MINK1: variants seen among roughly 807,000 people sequenced by gnomAD.
The protein encoded by MINK1 is misshapen like kinase 1.
Under a neutral mutation model 178.4 loss-of-function variants are expected in MINK1, and 46 were observed. That is an observed-to-expected ratio of 0.26 (90% CI 0.20 to 0.33). MINK1 has a LOEUF of 0.33. MINK1 is among the 10% of genes least tolerant of loss of function. MINK1 has a pLI of 1.00. For synonymous variants in MINK1, 797 were observed against 709.7 expected, an observed-to-expected ratio of 1.12 and a Z score of -1.96; for missense variants, 1,366 against 1,814.9, an observed-to-expected ratio of 0.75 and a Z score of 4.49.
At chr17:4,872,860 C>CTA (rs1916018390) in intron 1 of MINK1, among the ~76,000 whole-genome samples, 1 of 152,156 alleles carries the variant, frequency 6.6e-6, no homozygotes, top group Non-Finnish European at 1.5e-5. Context: ...TTTGAAAACC[C>CTA]TATTGTCTGA....
At chr17:4,855,769 CAAA>C (rs1226267230) in intron 1 of MINK1, among the ~76,000 whole-genome samples, 2 of 50,052 alleles carry the variant, frequency 4.0e-5, no homozygotes, top group Admixed American at 2.3e-4. Context: ...GACTCCGTCT[CAAA>C]AAAAAAAAAA....
At chr17:4,863,897 C>G (rs1914554323) in intron 1 of MINK1, among the ~76,000 whole-genome samples, 1 of 152,062 alleles carries the variant, frequency 6.6e-6, no homozygotes, top group South Asian at 2.1e-4. Context: ...TCAAGAGATT[C>G]TCCTGCCTCA....
chr17:4,874,084 G>A (rs1221662291), intron 1 of MINK1, among the ~76,000 whole-genome samples: 1 of 152,094 alleles, frequency 6.6e-6, no homozygotes, highest in East Asian at 1.9e-4. Flanking sequence ...AGCGGCTTTC[G>A]TGCTTTCGGT....
chr17:4,868,610 A>G (rs1915396718), intron 1 of MINK1, among the ~76,000 whole-genome samples: 1 of 152,258 alleles, frequency 6.6e-6, no homozygotes. Context: ...TTTATGGATG[A>G]ATAATATTCG....
At chr17:4,834,520 G>A (rs374407982) in intron 1 of MINK1, among the ~76,000 whole-genome samples, 3 of 152,230 alleles carry the variant, frequency 2.0e-5, no homozygotes, top group East Asian at 1.9e-4. Context: ...TAAGGAAAGG[G>A]GTTGAGAGGA....
chr17:4,848,068 G>T (rs1911307706), intron 1 of MINK1, among the ~76,000 whole-genome samples: 1 of 151,986 alleles, frequency 6.6e-6, no homozygotes, highest in South Asian at 2.1e-4. Context: ...AGGGAGGACG[G>T]GAGGGACTCT....
In MINK1 at chr17:4,886,479, A is replaced by T; in HGVS notation, c.802A>T (p.Thr268Ser). The change falls in exon 10 of 32, where the codon ACA becomes TCA. Residue 268 changes from threonine to serine, a missense_variant. By Grantham distance (58) the Thr-to-Ser change is moderately conservative. Coordinates refer to ENST00000355280, the MANE Select transcript of MINK1 (RefSeq NM_153827.5). The surrounding 1 kb of genome is among the most constrained non-coding windows in gnomAD (Gnocchi z 6.1). Reference sequence around the variant, plus strand: ...TAAGAAGTTCATTGACTTCATTGACACATGTCTCATCAAGACTTACCTGAG... The same window carrying T: ...TAAGAAGTTCATTGACTTCATTGACTCATGTCTCATCAAGACTTACCTGAG... ...WSKKFIDFID[T>S]CLIKTYLSRP... is the part of the protein sequence containing the mutation. 6.2e-7 allele frequency: 1 copy of T among 1,611,256 alleles called. No homozygotes were observed. Among genetic ancestry groups the T allele is most frequent in the Non-Finnish European group, 8.5e-7 (1 of 1,178,632 alleles).
At chr17:4,843,941 G>A (rs1910621691) in intron 1 of MINK1, among the ~76,000 whole-genome samples, 1 of 152,102 alleles carries the variant, frequency 6.6e-6, no homozygotes, top group Non-Finnish European at 1.5e-5. Flanking sequence ...GGACAGGAGG[G>A]CAGTGTGTAG....
chr17:4,892,789 C>A, intron 19 of MINK1, 21 bp downstream of exon 19: 1 of 1,578,118 alleles, frequency 6.3e-7, no homozygotes, highest in Admixed American at 1.8e-5. Flanking sequence ...CAGGGCTGGG[C>A]AGCCTGCTCT....
In MINK1 at chr17:4,884,899, T is replaced by C; in HGVS notation, c.418-13T>C. The stretch of plus-strand genomic sequence containing the variant: ...CAACACCATGGCTAATTTTCCCTGC[T>C]CTCCTGTCCCAGGGTCTGGCCCATC... On this transcript the variant is annotated splice_polypyrimidine_tract_variant and intron_variant, in intron 5 of 31. Coordinates refer to ENST00000355280, the MANE Select transcript of MINK1 (RefSeq NM_153827.5). 6.2e-7 allele frequency: 1 copy of C among 1,612,936 alleles called. No individual in the cohort carries two copies. The highest frequency in any genetic ancestry group is 1.1e-5 in the South Asian group (1 of 90,916).
chr17:4,859,600 C>T (rs1186359915), intron 1 of MINK1, among the ~76,000 whole-genome samples: 1 of 151,758 alleles, frequency 6.6e-6, no homozygotes, highest in Non-Finnish European at 1.5e-5. Flanking sequence ...CCAGCCTGGC[C>T]AACATGGTGA....
intron 1 of MINK1, among the ~76,000 whole-genome samples, chr17:4,869,149 C>T (rs2150934900): frequency 6.6e-6 from 1 of 152,036 alleles, no homozygotes; most frequent in Non-Finnish European, 1.5e-5. Flanking sequence ...TGGTCTTGAT[C>T]TCCTGACCTC....
At position 4,894,388 on chromosome 17, in the gene MINK1, G is replaced by T; in HGVS notation, c.2808+77G>T. ...CAGGAGGTCCCGGTGCTGGGTAACG[G>T]CAGAGGATGGGGCGGAGCGCTGGGA... On this transcript the variant is annotated intron_variant, in intron 23 of 31. Coordinates refer to ENST00000355280, the MANE Select transcript of MINK1 (RefSeq NM_153827.5). The surrounding 1 kb of genome is among the most constrained non-coding windows in gnomAD (Gnocchi z 4.1). 1 of 1,558,204 alleles carries T rather than the reference G, an allele frequency of 6.4e-7. No homozygotes were observed. The highest frequency in any genetic ancestry group is 8.7e-7 in the Non-Finnish European group (1 of 1,150,918).
rs538624866 is a variant in MINK1 at position 4,894,700 on chromosome 17, G to C, written c.2917+67G>C. 2 of 1,245,822 alleles carry C rather than the reference G, an allele frequency of 1.6e-6. No individual in the cohort carries two copies. The highest frequency in any genetic ancestry group is 3.9e-5 in the Admixed American group (2 of 50,986). The allele number at this position is 1,245,822 out of a possible 1,614,324, so 77.2% of individuals were successfully genotyped here. A position where few individuals can be genotyped will look rare whatever the true frequency, so the allele number is the denominator to read the frequency against. ...GGGGCAGCCTGGAGGGGAGCACAGTGGTCTTGAGACGCAGCCTCACAAAGC... is the reference window on the plus strand; with the variant it reads ...GGGGCAGCCTGGAGGGGAGCACAGTCGTCTTGAGACGCAGCCTCACAAAGC... On this transcript the variant is annotated intron_variant, in intron 24 of 31. Transcript: ENST00000355280. The surrounding 1 kb of genome is among the most constrained non-coding windows in gnomAD (Gnocchi z 4.1).
At position 4,886,600 on chromosome 17, in the gene MINK1, G is replaced by A. The variant is rs1037333676; in HGVS notation, c.923G>A (p.Arg308Gln). 16 of 1,603,020 alleles carry A rather than the reference G, an allele frequency of 1.0e-5. No individual in the cohort carries two copies. The highest frequency in any genetic ancestry group is 1.3e-5 in the African/African-American group (1 of 74,628). The stretch of plus-strand genomic sequence containing the variant: ...ATCCAGCTTAAGGACCACATTGACC[G>A]ATCCCGGAAGAAGCGGGGTGAGAAA... ...VRIQLKDHID[R>Q]SRKKRGEKEE... The change falls in exon 10 of 32, where the codon CGA (arginine) becomes CAA (glutamine). Residue 308 changes from arginine to glutamine, a missense_variant. Arg to Gln is a conservative substitution (Grantham distance 43). Coordinates refer to ENST00000355280, the MANE Select transcript of MINK1 (RefSeq NM_153827.5). This position sits in a 1 kb window ranked among gnomAD's most constrained non-coding sequence, Gnocchi z 6.1.
chr17:4,879,939 A>G (rs1217296931), intron 2 of MINK1, among the ~76,000 whole-genome samples: 1 of 152,048 alleles, frequency 6.6e-6, no homozygotes, highest in East Asian at 1.9e-4. Context: ...GCACTGCAGC[A>G]TTTTCTCTTG....
intron 1 of MINK1, among the ~76,000 whole-genome samples, chr17:4,873,309 A>C (rs1464723110): frequency 6.6e-6 from 1 of 151,178 alleles, no homozygotes; most frequent in African/African-American, 2.4e-5. Context: ...TAACATCCCC[A>C]ATTCAACATT....
rs1050505772 is a variant in MINK1, at chr17:4,836,611, A to G, written c.57+2971A>G. Among the ~76,000 whole-genome samples, 4 of 152,176 alleles carry G rather than the reference A, an allele frequency of 2.6e-5. No homozygotes were observed. The highest frequency in any genetic ancestry group is 9.7e-5 in the African/African-American group (4 of 41,438). ...CCTGTATCGTGGGCATGGTAATAGT[A>G]CTGAATGCAGAGTTGCTGAGGATTA... On this transcript the variant is annotated intron_variant, in intron 1 of 31. Coordinates refer to ENST00000355280, the MANE Select transcript of MINK1 (RefSeq NM_153827.5). This position sits in a 1 kb window ranked among gnomAD's most constrained non-coding sequence, Gnocchi z 4.3.
chr17:4,885,908 T>C lies in MINK1; in HGVS notation c.640-3T>C. Reference sequence around the variant, plus strand: ...TCACTTGTTCCTTCTTTCCCGTCTATAGAGTGATATTTGGTCTCTAGGAAT... The same window carrying C: ...TCACTTGTTCCTTCTTTCCCGTCTACAGAGTGATATTTGGTCTCTAGGAAT... On this transcript the variant is annotated splice_polypyrimidine_tract_variant and splice_region_variant and intron_variant, in intron 7 of 31. Transcript: ENST00000355280. The surrounding 1 kb of genome is among the most constrained non-coding windows in gnomAD (Gnocchi z 5.0). 2 of 1,613,644 alleles carry C rather than the reference T, an allele frequency of 1.2e-6. No individual in the cohort carries two copies. Among genetic ancestry groups the C allele is most frequent in the Non-Finnish European group, 1.7e-6 (2 of 1,179,684 alleles).
Sources: allele counts gnomAD v4.1 joint callset (sites outside exome capture counted in the v4.1 genomes callset), GRCh38; gene constraint gnomAD v4.1.1; non-coding constraint Gnocchi (gnomAD v3.1); transcripts MANE v1.5; gene names NCBI Gene and HGNC (gene_info 2026-07-23, HGNC 2026-07-21).